Variants in ROBO2 observed in about 807,000 individuals in gnomAD.
ROBO2 encodes the protein roundabout guidance receptor 2.
ROBO2 carries 53 observed loss-of-function variants against 160.8 expected under a neutral mutation model. The observed-to-expected ratio is 0.33, with a 90% CI of 0.26 to 0.41. ROBO2 has a LOEUF of 0.41. ROBO2 is among the 10% of genes least tolerant of loss of function. The probability of loss-of-function intolerance (pLI) is 1.00; values close to 1 mark genes in which losing one functional copy is unlikely to be tolerated. For missense variants in ROBO2, 1,577 were observed against 1,722.4 expected (o/e 0.92, Z 1.49); for synonymous variants, 664 against 611.7 (o/e 1.09, Z -1.26).
intron 2 of ROBO2, among the ~76,000 whole-genome samples, chr3:76,386,341 C>G (rs1334070954): frequency 8.6e-6 from 1 of 116,534 alleles, no homozygotes; most frequent in East Asian, 2.4e-4. Context: ...CTCCCTCCCT[C>G]CCTCCCTCCC....
intron 1 of ROBO2, among the ~76,000 whole-genome samples, chr3:77,069,923 T>C (rs2067235983): frequency 6.6e-6 from 1 of 152,320 alleles, no homozygotes; most frequent in South Asian, 2.1e-4. Flanking sequence ...CCTCAGAATG[T>C]GATCTTATTT....
At chr3:77,480,910 G>T (rs1438041819) in intron 3 of ROBO2, among the ~76,000 whole-genome samples, 189 bp from the exon 4 acceptor site, 1 of 152,136 alleles carries the variant, frequency 6.6e-6, no homozygotes, top group Admixed American at 6.6e-5. Flanking sequence ...TATGAAGAAA[G>T]TATGGAAACT....
At chr3:76,811,866 CT>C (rs1165749764) in intron 2 of ROBO2, among the ~76,000 whole-genome samples, 7 of 114,856 alleles carry the variant, frequency 6.1e-5, no homozygotes, top group African/African-American at 2.4e-4. Context: ...TCCTTCCTTC[CT>C]TCCTTCCTTC....
chr3:76,205,411 C>G (rs185395262), intron 2 of ROBO2, among the ~76,000 whole-genome samples: 3 of 152,218 alleles, frequency 2.0e-5, no homozygotes, highest in East Asian at 3.9e-4. Flanking sequence ...CCTGGCTGCA[C>G]TAGATCAAGA....
intron 2 of ROBO2, among the ~76,000 whole-genome samples, chr3:75,991,401 T>C (rs1372652864): frequency 6.6e-6 from 1 of 152,050 alleles, no homozygotes; most frequent in East Asian, 2.0e-4. Context: ...CTTGTGATAG[T>C]GAATAAGTCT....
At chr3:76,190,243 G>T (rs1043013979) in intron 2 of ROBO2, among the ~76,000 whole-genome samples, 4 of 152,036 alleles carry the variant, frequency 2.6e-5, no homozygotes, top group African/African-American at 7.2e-5. Flanking sequence ...ATTGACAAAA[G>T]ATATTCTAAG....
chr3:77,217,320 T>A lies in ROBO2; in HGVS notation c.388+118980T>A, dbSNP rs370657185. ...ACCACGCCTGGCTACTTTTTGTATTTTTAGTAGAGATGGGGTTTCACCATG... is the reference window on the plus strand; with the variant it reads ...ACCACGCCTGGCTACTTTTTGTATTATTAGTAGAGATGGGGTTTCACCATG... On this transcript the variant is annotated intron_variant, in intron 2 of 25. Coordinates refer to ENST00000461745, the Ensembl canonical transcript of ROBO2. Among the ~76,000 whole-genome samples, 5 of 152,040 alleles carry A rather than the reference T, an allele frequency of 3.3e-5. No individual in the cohort carries two copies. The East Asian group carries it at 7.7e-4, about 23-fold the overall frequency.
Position 76,362,730 on chromosome 3 carries a change from G to A in ROBO2, c.109+425128G>A, listed in dbSNP as rs1438887252. Among the ~76,000 whole-genome samples, 5 of 152,034 alleles carry A rather than the reference G, an allele frequency of 3.3e-5. No homozygotes were observed. The South Asian group carries it at 1.0e-3, about 31-fold the overall frequency. ...GGATCTGATCCTAGTCCTTGAAATA[G>A]TATGTCCTAGTTCTTATTGTTTCTT... On this transcript the variant is annotated intron_variant, in intron 2 of 26. Coordinates refer to the ROBO2 transcript ENST00000487694.
intron 2 of ROBO2, among the ~76,000 whole-genome samples, chr3:76,055,218 C>T (rs1014001414): frequency 2.0e-5 from 3 of 152,248 alleles, no homozygotes; most frequent in South Asian, 2.1e-4. Flanking sequence ...TCAATATCTC[C>T]CACGGGGTCC....
intron 2 of ROBO2, among the ~76,000 whole-genome samples, chr3:76,679,950 G>A (rs1392192945): frequency 6.6e-6 from 1 of 152,142 alleles, no homozygotes; most frequent in Admixed American, 6.5e-5. Context: ...ATTGGGATTA[G>A]AGATGCTGGA....
chr3:76,934,154 T>C (rs1034233053), intron 2 of ROBO2, among the ~76,000 whole-genome samples: 6 of 151,686 alleles, frequency 4.0e-5, no homozygotes, highest in African/African-American at 1.5e-4. Flanking sequence ...TGCTTTCTCA[T>C]TGCCTTGTTA....
At chr3:76,003,601 T>C (rs1212608747) in intron 2 of ROBO2, among the ~76,000 whole-genome samples, 12 of 152,212 alleles carry the variant, frequency 7.9e-5, no homozygotes, top group Non-Finnish European at 1.8e-4. Context: ...TGGCCTTTCA[T>C]GTGTATGAGC....
At chr3:76,133,068 C>T (rs967986873) in intron 2 of ROBO2, among the ~76,000 whole-genome samples, 5 of 151,996 alleles carry the variant, frequency 3.3e-5, no homozygotes, top group Admixed American at 6.6e-5. Flanking sequence ...TTAAATAATA[C>T]TGGGAACATA....
At chr3:77,477,355 A>G in intron 2 of ROBO2, 59 bp from the exon 3 acceptor site, 1 of 1,569,650 alleles carries the variant, frequency 6.4e-7, no homozygotes, top group East Asian at 2.2e-5. Flanking sequence ...TACCTTGTAC[A>G]ACAAAAAGCC....
At chr3:76,173,777 G>A (rs1313420408) in intron 2 of ROBO2, among the ~76,000 whole-genome samples, 1 of 152,018 alleles carries the variant, frequency 6.6e-6, no homozygotes, top group Non-Finnish European at 1.5e-5. Context: ...TGGGCATTTG[G>A]GTTGTTTCCA....
intron 2 of ROBO2, among the ~76,000 whole-genome samples, chr3:77,133,614 T>C (rs2076037485): frequency 6.6e-6 from 1 of 152,220 alleles, no homozygotes; most frequent in African/African-American, 2.4e-5. Flanking sequence ...TAAAACACAT[T>C]CCGTCCTGGG....
chr3:77,276,660 G>A (rs1457165410), intron 2 of ROBO2, among the ~76,000 whole-genome samples: 1 of 152,130 alleles, frequency 6.6e-6, no homozygotes, highest in Non-Finnish European at 1.5e-5. Context: ...GCTTAGGCAG[G>A]GGGATCACTT....
chr3:76,308,700 G>A (rs2107770675), intron 2 of ROBO2, among the ~76,000 whole-genome samples: 2 of 152,270 alleles, frequency 1.3e-5, no homozygotes, highest in South Asian at 4.1e-4. Context: ...TATGCAGAAA[G>A]CTCCAGCAGA....
intron 2 of ROBO2, among the ~76,000 whole-genome samples, chr3:76,583,880 T>G (rs1011522115): frequency 6.6e-6 from 1 of 152,198 alleles, no homozygotes; most frequent in African/African-American, 2.4e-5. Flanking sequence ...GAGCCATGCT[T>G]TTTCTCTATT....
Sources: allele counts gnomAD v4.1 joint callset (sites outside exome capture counted in the v4.1 genomes callset), GRCh38; gene constraint gnomAD v4.1.1; transcripts MANE v1.5; gene names NCBI Gene and HGNC (gene_info 2026-07-23, HGNC 2026-07-21).